The following SH2D3C variants were observed in gnomAD, a reference collection of about 807,000 sequenced individuals.
SH2D3C encodes the protein SH2 domain-containing protein 3C.
A neutral mutation model predicts 75.2 loss-of-function variants in SH2D3C; 25 were observed. The ratio of observed to expected loss-of-function variants is 0.33; its 90% confidence interval spans 0.24 to 0.46. The LOEUF (loss-of-function observed/expected upper bound fraction) is 0.46. Ranked by LOEUF, SH2D3C falls within the 20% of genes least tolerant of loss-of-function variation. The pLI is 1.00. For synonymous variants in SH2D3C, 450 were observed against 473.7 expected (o/e 0.95, Z 0.65); for missense variants, 933 against 1,165.3 (o/e 0.80, Z 2.90).
Position 127,739,605 on chromosome 9 carries a change from G to T in SH2D3C, c.2407+77C>A. 3 of 1,331,658 alleles carry T rather than the reference G, an allele frequency of 2.3e-6. No homozygotes were observed. The highest frequency in any genetic ancestry group is 3.1e-6 in the Non-Finnish European group (3 of 953,826). 82.5% of individuals were successfully genotyped at this position (1,331,658 alleles called of 1,614,324 possible). On this transcript the variant is annotated intron_variant, in intron 11 of 11. Coordinates refer to ENST00000314830, the MANE Select transcript of SH2D3C (RefSeq NM_170600.3). The surrounding 1 kb of genome is among the most constrained non-coding windows in gnomAD (Gnocchi z 4.3). ...GTGGAGAAATGTGAATGGATGCCTT[G>T]GAGAAAAGGGAAGCAGTGAGGCAGG...
At chr9:127,762,529 C>T in intron 2 of SH2D3C, 1 of 436,330 alleles carries the variant, frequency 2.3e-6, no homozygotes. Context: ...GCAGCTTTGG[C>T]CAAAAACCCT....
intron 3 of SH2D3C, among the ~76,000 whole-genome samples, chr9:127,758,164 G>A (rs1378356380): frequency 6.6e-6 from 1 of 151,828 alleles, no homozygotes; most frequent in African/African-American, 2.4e-5. Context: ...TCTAGAGACA[G>A]GATCTTGCTA....
At chr9:127,740,228 C>T (rs1195246083) in intron 10 of SH2D3C, 30 bp downstream of exon 10, 1 of 1,583,602 alleles carries the variant, frequency 6.3e-7, no homozygotes, top group East Asian at 2.2e-5. Context: ...AGGGCTGCAG[C>T]CTGTCCAAGG....
chr9:127,758,883 G>C (rs1048752362), intron 3 of SH2D3C, among the ~76,000 whole-genome samples: 1 of 152,210 alleles, frequency 6.6e-6, no homozygotes, highest in African/African-American at 2.4e-5. Context: ...GATGGTGAGG[G>C]GGCAGCAATC....
At chr9:127,769,440 C>T (rs1253391690) in intron 2 of SH2D3C, among the ~76,000 whole-genome samples, 1 of 151,866 alleles carries the variant, frequency 6.6e-6, no homozygotes, top group African/African-American at 2.4e-5. Context: ...GTCAGGAGTT[C>T]GAGATCAGCC....
At chr9:127,777,412 C>G (rs1829037620) in intron 1 of SH2D3C, among the ~76,000 whole-genome samples, 1 of 151,764 alleles carries the variant, frequency 6.6e-6, no homozygotes, top group South Asian at 2.1e-4. Context: ...CACCCCCATC[C>G]CCCTGCCGCC....
At chr9:127,744,523 CAG>C in intron 7 of SH2D3C, 39 bp downstream of exon 7, 1 of 1,564,056 alleles carries the variant, frequency 6.4e-7, no homozygotes, top group African/African-American at 1.3e-5. Flanking sequence ...CCCCACAGAA[CAG>C]AGATGCTCCC....
chr9:127,738,733 A>G lies in SH2D3C; in HGVS notation c.*13T>C. On this transcript the variant is annotated 3_prime_UTR_variant, in exon 12 of 12. Coordinates refer to ENST00000314830, the MANE Select transcript of SH2D3C (RefSeq NM_170600.3). This position sits in a 1 kb window ranked among gnomAD's most constrained non-coding sequence, Gnocchi z 5.0. ...ACGCTGTCCGCAGCTGCAGAGGGGAAATGTCCCTGGGGTCACAGCTCGCTG... is the reference window on the plus strand; with the variant it reads ...ACGCTGTCCGCAGCTGCAGAGGGGAGATGTCCCTGGGGTCACAGCTCGCTG... 6.3e-7 allele frequency: 1 copy of G among 1,577,562 alleles called. No homozygotes were observed. Among genetic ancestry groups the G allele is most frequent in the South Asian group, 1.2e-5 (1 of 86,558 alleles).
intron 2 of SH2D3C, chr9:127,771,357 GC>G: frequency 3.0e-6 from 4 of 1,354,512 alleles, no homozygotes; most frequent in South Asian, 1.8e-5. Context: ...TGTAGACCAC[GC>G]CCCCAGACAC....
In SH2D3C at chr9:127,771,377, G is replaced by T. The variant is rs1845736686; in HGVS notation, c.515+2613C>A. Reference sequence around the variant, plus strand: ...ACCACGCCCCCAGACACGCCCCTGCGCTCCTTGCCCGGCCCCACTCCACCG... The same window carrying T: ...ACCACGCCCCCAGACACGCCCCTGCTCTCCTTGCCCGGCCCCACTCCACCG... On this transcript the variant is annotated intron_variant, in intron 2 of 11. Transcript: ENST00000314830. 4 of 1,335,988 alleles carry T rather than the reference G, an allele frequency of 3.0e-6. No individual in the cohort carries two copies. The South Asian group carries it at 7.5e-5, about 25-fold the overall frequency. The allele number at this position is 1,335,988 out of a possible 1,614,324, so 82.8% of individuals were successfully genotyped here.
chr9:127,744,847 C>T lies in SH2D3C; in HGVS notation c.1517G>A (p.Arg506Gln), dbSNP rs761368464. The change falls in exon 7 of 12, where the codon CGA becomes CAA. Residue 506 changes from arginine (R) to glutamine (Q), a missense_variant. Arg to Gln is a conservative substitution (Grantham distance 43, BLOSUM62 1). Transcript: ENST00000314830. ...CQLQPPVRGS[R>Q]EWAATETSSQ... ...GGAGGTCTCAGTCGCTGCCCACTCT[C>T]GGCTGCCACGCACGGGAGGCTGGAG... 3.4e-5 allele frequency: 55 copies of T among 1,614,036 alleles called. No homozygotes were observed. Among genetic ancestry groups the T allele is most frequent in the Middle Eastern group, 1.6e-4 (1 of 6,084 alleles).
Position 127,754,208 on chromosome 9 carries a change from T to A in SH2D3C, c.556-2908A>T, listed in dbSNP as rs1845286095. Reference sequence around the variant, plus strand: ...CGCCTCCCGGCCTGCGCGCGCCTGATTGGCCGGTGCGGGGATGCTGCGCTC... The same window carrying A: ...CGCCTCCCGGCCTGCGCGCGCCTGAATGGCCGGTGCGGGGATGCTGCGCTC... On this transcript the variant is annotated intron_variant, in intron 3 of 11. Coordinates refer to ENST00000314830, the MANE Select transcript of SH2D3C (RefSeq NM_170600.3). The surrounding 1 kb of genome is among the most constrained non-coding windows in gnomAD (Gnocchi z 4.4). 6.6e-6 allele frequency among the ~76,000 whole-genome samples: 1 copy of A among 152,112 alleles called. No individual in the cohort carries two copies. The highest frequency in any genetic ancestry group is 2.4e-5 in the African/African-American group (1 of 41,436).
intron 3 of SH2D3C, chr9:127,755,301 C>G: frequency 5.1e-5 from 9 of 177,156 alleles, no homozygotes; most frequent in East Asian, 4.6e-4. Flanking sequence ...GGGGGAGGAG[C>G]GGGGAGGCGG....
Position 127,739,376 on chromosome 9 carries a change from G to A in SH2D3C, c.2407+306C>T, listed in dbSNP as rs900444025. Among the ~76,000 whole-genome samples, 1 of 152,118 alleles carries A rather than the reference G, an allele frequency of 6.6e-6. No homozygotes were observed. The highest frequency in any genetic ancestry group is 1.5e-5 in the Non-Finnish European group (1 of 68,034). ...ATACAAAAAATTGGCCAGGTATGGT[G>A]GCTCACGCCTGTAATTGCAGCTACT... is the stretch of plus-strand genomic sequence containing the variant. On this transcript the variant is annotated intron_variant, in intron 11 of 11. Transcript: ENST00000314830. This position sits in a 1 kb window ranked among gnomAD's most constrained non-coding sequence, Gnocchi z 4.3.
intron 1 of SH2D3C, among the ~76,000 whole-genome samples, chr9:127,775,320 C>T (rs1018922424): frequency 1.1e-4 from 16 of 152,186 alleles, no homozygotes; most frequent in East Asian, 7.7e-4. Context: ...ATAGCAAGAC[C>T]CTGTCTCTAC....
intron 2 of SH2D3C, among the ~76,000 whole-genome samples, chr9:127,769,591 G>A (rs1271241749): frequency 6.6e-6 from 1 of 150,396 alleles, no homozygotes; most frequent in Non-Finnish European, 1.5e-5. Flanking sequence ...AGGAGGCGGA[G>A]GTTGCGGTCA....
In SH2D3C at chr9:127,754,139, A is replaced by AGGGC. The variant is rs1845283411; in HGVS notation, c.556-2840_556-2839insGCCC. Among the ~76,000 whole-genome samples the AGGGC allele has an allele frequency of 6.6e-6, 1 of 152,176 alleles. No individual in the cohort carries two copies. Among genetic ancestry groups the AGGGC allele is most frequent in the Non-Finnish European group, 1.5e-5 (1 of 68,010 alleles). ...GGGGGTGCTGGGGTGCGAATGCAGC[A>AGGGC]TCCCTGCGCTCGGCGCCCTGCTATT... On this transcript the variant is annotated intron_variant, in intron 3 of 11. Transcript: ENST00000314830. The surrounding 1 kb of genome is among the most constrained non-coding windows in gnomAD (Gnocchi z 4.4).
chr9:127,747,280 C>T lies in SH2D3C; in HGVS notation c.1140-9G>A. 6.2e-7 allele frequency: 1 copy of T among 1,610,218 alleles called. No homozygotes were observed. The highest frequency in any genetic ancestry group is 8.5e-7 in the Non-Finnish European group (1 of 1,179,340). On this transcript the variant is annotated splice_polypyrimidine_tract_variant and intron_variant, in intron 5 of 11. Coordinates refer to ENST00000314830, the MANE Select transcript of SH2D3C (RefSeq NM_170600.3). The stretch of plus-strand genomic sequence containing the variant: ...GGCGGGGCAGCGACGTACTGTGGAG[C>T]AGACACCATCATGGGCAGGGAGCCC...
intron 2 of SH2D3C, chr9:127,762,096 A>G (rs3780652): frequency 0.38 from 227,754 of 601,958 alleles, 46,489 homozygotes; most frequent in East Asian, 0.71. Context: ...GAGGGCCCCA[A>G]GTGGGGATCA....
Sources: allele counts gnomAD v4.1 joint callset (sites outside exome capture counted in the v4.1 genomes callset), GRCh38; gene constraint gnomAD v4.1.1; non-coding constraint Gnocchi (gnomAD v3.1); transcripts MANE v1.5; gene names NCBI Gene and HGNC (gene_info 2026-07-23, HGNC 2026-07-21).